RIC1: variants seen among roughly 807,000 people sequenced by gnomAD.
RIC1 encodes guanine nucleotide exchange factor subunit RIC1.
A neutral mutation model predicts 169.0 loss-of-function variants in RIC1; 88 were observed. The ratio of observed to expected loss-of-function variants is 0.52; its 90% CI spans 0.44 to 0.62. The LOEUF (loss-of-function observed/expected upper bound fraction) is 0.62, where lower values mean the gene tolerates loss of function less well. Ranked by LOEUF, RIC1 falls within the 20% of genes least tolerant of loss-of-function variation. RIC1 has a pLI of 0.00. For synonymous variants in RIC1, 790 were observed against 601.5 expected, an observed-to-expected ratio of 1.31 and a Z score of -4.59; for missense variants, 1,877 against 1,725.5, an observed-to-expected ratio of 1.09 and a Z score of -1.56.
chr9:5,671,740 C>T (rs957180803), intron 2 of RIC1, among the ~76,000 whole-genome samples: 3 of 152,206 alleles, frequency 2.0e-5, no homozygotes, highest in Non-Finnish European at 4.4e-5. Context: ...CTCTCCTCTT[C>T]TCAGGAGTAT....
At chr9:5,649,543 T>C (rs894693328) in intron 1 of RIC1, among the ~76,000 whole-genome samples, 2 of 152,168 alleles carry the variant, frequency 1.3e-5, no homozygotes, top group Non-Finnish European at 2.9e-5. Context: ...TTTTTTATGA[T>C]ATCTATCTTT....
chr9:5,684,344 A>G (rs906893168), intron 2 of RIC1, among the ~76,000 whole-genome samples: 1 of 126,250 alleles, frequency 7.9e-6, no homozygotes, highest in African/African-American at 3.1e-5. Context: ...TGGGAGTTTG[A>G]TTGGGATTAC....
chr9:5,644,752 G>T (rs575118830), intron 1 of RIC1, among the ~76,000 whole-genome samples: 1 of 152,276 alleles, frequency 6.6e-6, no homozygotes, highest in African/African-American at 2.4e-5. Flanking sequence ...TCTGTGTGTG[G>T]ATAAATGTTA....
intron 7 of RIC1, among the ~76,000 whole-genome samples, chr9:5,735,271 A>G (rs1463509194): frequency 1.3e-5 from 2 of 152,066 alleles, no homozygotes; most frequent in East Asian, 3.8e-4. Context: ...GTTCTTGTTG[A>G]GCAATACAGT....
In RIC1 at chr9:5,720,672, A is replaced by T; in HGVS notation, c.642A>T (p.Thr214=). 6.2e-7 allele frequency: 1 copy of T among 1,612,486 alleles called. No homozygotes were observed. The change falls in exon 6 of 26, where the codon ACA becomes ACT. Residue 214 remains threonine, a synonymous_variant. Transcript: ENST00000414202. ...TCAGAGACATGGAATACTGTGCCAC[A>T]CTTGATGGGTTTGCTGTTGTATTTA... ...VHIRDMEYCA[T]LDGFAVVFND...
At chr9:5,685,037 A>G (rs950104872) in intron 2 of RIC1, among the ~76,000 whole-genome samples, 10 of 151,258 alleles carry the variant, frequency 6.6e-5, no homozygotes, top group Non-Finnish European at 5.9e-5. Flanking sequence ...TTTTTTTTTT[A>G]TAAGGTTGAA....
intron 21 of RIC1, among the ~76,000 whole-genome samples, chr9:5,767,894 CTGTTTTT>C (rs1308951233): frequency 1.7e-4 from 26 of 152,302 alleles, no homozygotes; most frequent in African/African-American, 6.0e-4. Context: ...GCCTGTTTTA[CTGTTTTT>C]TAACAAGTGC....
Position 5,747,540 on chromosome 9 carries a change from T to C in RIC1, c.1452+35T>C, listed in dbSNP as rs1057265045. 8 of 1,518,490 alleles carry C rather than the reference T, an allele frequency of 5.3e-6. No homozygotes were observed. In the African/African-American group the frequency reaches 1.1e-4, roughly 21 times the overall value. The allele number at this position is 1,518,490 out of a possible 1,614,324, so 94.1% of individuals were successfully genotyped here. A position where few individuals can be genotyped will look rare whatever the true frequency, so the allele number is the denominator to read the frequency against. ...TAGTTACTGATTACTAGAGACTTAT[T>C]CTTTGATAGGATATCACCTGGAACA... On this transcript the variant is annotated intron_variant, in intron 12 of 25. Coordinates refer to ENST00000414202, the MANE Select transcript of RIC1 (RefSeq NM_020829.4).
intron 1 of RIC1, among the ~76,000 whole-genome samples, chr9:5,653,657 G>A (rs1390140860): frequency 1.3e-5 from 2 of 151,686 alleles, no homozygotes; most frequent in African/African-American, 4.8e-5. Flanking sequence ...GAGTGCAATG[G>A]CGCAGTCTTG....
intron 1 of RIC1, among the ~76,000 whole-genome samples, chr9:5,651,811 G>A (rs1045710949): frequency 2.6e-5 from 4 of 151,968 alleles, no homozygotes; most frequent in Admixed American, 2.6e-4. Flanking sequence ...CAAGTGATCT[G>A]CCCACCTCGG....
intron 1 of RIC1, among the ~76,000 whole-genome samples, chr9:5,641,275 T>G (rs1401335175): frequency 6.6e-6 from 1 of 151,966 alleles, no homozygotes; most frequent in African/African-American, 2.4e-5. Flanking sequence ...GTATTTTTAG[T>G]AGAGATGGGG....
At chr9:5,655,585 GCCGTGGCGC>G (rs1384694830) in intron 1 of RIC1, among the ~76,000 whole-genome samples, 2 of 152,208 alleles carry the variant, frequency 1.3e-5, no homozygotes, top group East Asian at 3.8e-4. Context: ...ACAGGCATGA[GCCGTGGCGC>G]CCGGCCTTGC....
At chr9:5,757,696 A>G (rs952555202) in intron 17 of RIC1, among the ~76,000 whole-genome samples, 1 of 152,262 alleles carries the variant, frequency 6.6e-6, no homozygotes. Flanking sequence ...TTACTGTGAG[A>G]GCATTTAACA....
At chr9:5,684,570 T>A (rs1365037629) in intron 2 of RIC1, among the ~76,000 whole-genome samples, 1 of 152,170 alleles carries the variant, frequency 6.6e-6, no homozygotes, top group East Asian at 1.9e-4. Context: ...AAAAATGCAG[T>A]TGATTTTTCT....
At chr9:5,773,861 C>T (rs1302674179) in intron 25 of RIC1, 97 bp from the exon 26 acceptor site, 2 of 1,197,706 alleles carry the variant, frequency 1.7e-6, no homozygotes, top group Non-Finnish European at 1.2e-6. Flanking sequence ...CTATCGTCGT[C>T]TTTACCATAT....
chr9:5,693,047 C>A (rs529880831), intron 3 of RIC1, among the ~76,000 whole-genome samples: 2 of 152,036 alleles, frequency 1.3e-5, no homozygotes, highest in Admixed American at 6.6e-5. Flanking sequence ...TGTCTCAACC[C>A]TGTTTATGCT....
intron 18 of RIC1, 47 bp downstream of exon 18, chr9:5,762,707 G>T: frequency 6.3e-7 from 1 of 1,586,072 alleles, no homozygotes; most frequent in South Asian, 1.1e-5. Context: ...AGAAGGTATG[G>T]GATGAGGATG....
At chr9:5,773,657 C>G (rs773151403) in intron 25 of RIC1, among the ~76,000 whole-genome samples, 12 of 152,170 alleles carry the variant, frequency 7.9e-5, no homozygotes, top group Admixed American at 7.2e-4. Flanking sequence ...TTTTTCAAGT[C>G]TAAGCTCCTG....
chr9:5,690,377 T>C (rs1289230555), intron 3 of RIC1, among the ~76,000 whole-genome samples: 1 of 152,090 alleles, frequency 6.6e-6, no homozygotes, highest in Non-Finnish European at 1.5e-5. Context: ...ACAGGTACTT[T>C]TGCATGTGCT....
Sources: allele counts gnomAD v4.1 joint callset (sites outside exome capture counted in the v4.1 genomes callset), GRCh38; gene constraint gnomAD v4.1.1; transcripts MANE v1.5; gene names NCBI Gene and HGNC (gene_info 2026-07-23, HGNC 2026-07-21).